AMPH: variants seen among roughly 807,000 people sequenced by gnomAD.
AMPH encodes amphiphysin (Stiff-Mann syndrome with breast cancer 128kD autoantigen).
AMPH carries 49 observed loss-of-function variants against 99.1 expected under a neutral mutation model. The ratio of observed to expected loss-of-function variants is 0.49; its 90% CI spans 0.39 to 0.63. The LOEUF (loss-of-function observed/expected upper bound fraction) is 0.63, where lower values mean the gene tolerates loss of function less well. Ranked by LOEUF, AMPH falls within the 20% of genes least tolerant of loss-of-function variation. The pLI, the probability that AMPH is intolerant of heterozygous loss-of-function variation, is 0.00. For synonymous variants in AMPH, 314 were observed against 317.3 expected (o/e 0.99, Z 0.11); for missense variants, 759 against 863.4 (o/e 0.88, Z 1.52).
chr7:38,406,731 C>CTCTCTCTCTCTCTCTCTCTCTCT lies in AMPH; in HGVS notation c.1398+11093_1398+11094insAGAGAGAGAGAGAGAGAGAGAGA, dbSNP rs1562732477. 1.2e-4 allele frequency among the ~76,000 whole-genome samples: 10 copies of CTCTCTCTCTCTCTCTCTCTCTCT among 80,582 alleles called. 3 individuals carry two copies. The East Asian group carries it at 2.1e-3, about 17-fold the overall frequency. 52.9% of individuals were successfully genotyped at this position (80,582 alleles called of 152,430 possible). On this transcript the variant is annotated intron_variant, in intron 17 of 20. Transcript: ENST00000356264. ...CTCCTCTCCTCTCTCTCTCCCTTTC[C>CTCTCTCTCTCTCTCTCTCTCTCT]CTCTCTCTCTCTCTCTCTCTCTCTC...
chr7:38,430,551 C>G (rs988258254), intron 13 of AMPH, among the ~76,000 whole-genome samples: 5 of 152,196 alleles, frequency 3.3e-5, no homozygotes, highest in African/African-American at 1.2e-4. Context: ...ACGATACCTT[C>G]ACCCTCTCCA....
At chr7:38,519,995 AAAATAAAT>A (rs750219725) in intron 2 of AMPH, among the ~76,000 whole-genome samples, 1 of 152,178 alleles carries the variant, frequency 6.6e-6, no homozygotes, top group Non-Finnish European at 1.5e-5. Context: ...AAGAAGTTGA[AAAATAAAT>A]AAATAAATAA....
chr7:38,384,535 AGAATTGGT>A lies in AMPH; in HGVS notation c.*275_*282del. On this transcript the variant is annotated 3_prime_UTR_variant, in exon 21 of 21. Coordinates refer to ENST00000356264, the MANE Select transcript of AMPH (RefSeq NM_001635.4). ...AGTCTGATCTGGAGAAAGCTACTTT[AGAATTGGT>A]GGGAGGGGATCAAGTACAAGAGTCT... 3.3e-6 allele frequency: 1 copy of A among 302,714 alleles called. No homozygotes were observed. The highest frequency in any genetic ancestry group is 6.4e-6 in the Non-Finnish European group (1 of 156,908). 18.8% of individuals were successfully genotyped at this position (302,714 alleles called of 1,614,324 possible). A position where few individuals can be genotyped will look rare whatever the true frequency, so the allele number is the denominator to read the frequency against.
rs189428314 is a variant in AMPH, at chr7:38,396,697, T to C, written c.1399-2483A>G. On this transcript the variant is annotated intron_variant, in intron 17 of 20. Coordinates refer to ENST00000356264, the MANE Select transcript of AMPH (RefSeq NM_001635.4). ...GTTTATTTTGAAATCGAATAGACTT[T>C]CATCACTGTTTTAAATAAGCACCGA... Among the ~76,000 whole-genome samples the C allele has an allele frequency of 7.2e-3, 1,090 of 152,358 alleles. 6 individuals carry two copies. The highest frequency in any genetic ancestry group is 0.031 in the Middle Eastern group (9 of 294).
intron 11 of AMPH, among the ~76,000 whole-genome samples, chr7:38,441,431 T>G (rs1786500143): frequency 6.6e-6 from 1 of 152,102 alleles, no homozygotes; most frequent in African/African-American, 2.4e-5. Context: ...TATATTCTTT[T>G]CAAGTGCACA....
At chr7:38,516,848 C>T (rs180682939) in intron 2 of AMPH, among the ~76,000 whole-genome samples, 23 of 152,338 alleles carry the variant, frequency 1.5e-4, no homozygotes, top group African/African-American at 5.5e-4. Flanking sequence ...TCAGTGTCGC[C>T]TGAATATGAG....
At chr7:38,402,711 C>G (rs576732102) in intron 17 of AMPH, among the ~76,000 whole-genome samples, 3 of 152,338 alleles carry the variant, frequency 2.0e-5, no homozygotes, top group Admixed American at 2.0e-4. Context: ...CGAGTTGTCT[C>G]TGATCGAGGG....
intron 14 of AMPH, among the ~76,000 whole-genome samples, chr7:38,427,669 A>G (rs1785834731): frequency 9.1e-6 from 1 of 109,956 alleles, no homozygotes; most frequent in African/African-American, 4.1e-5. Flanking sequence ...TTTTTGGTCA[A>G]CCTATTTGTG....
At chr7:38,541,867 T>G (rs10951562) in intron 1 of AMPH, among the ~76,000 whole-genome samples, 15,711 of 152,098 alleles carry the variant, frequency 0.1, 1,082 homozygotes, top group Middle Eastern at 0.2. Context: ...AAAAGAAAAT[T>G]TAGTCCCTAG....
intron 18 of AMPH, among the ~76,000 whole-genome samples, chr7:38,393,435 C>T (rs1291270787): frequency 6.6e-6 from 1 of 152,074 alleles, no homozygotes; most frequent in Non-Finnish European, 1.5e-5. Context: ...GGCTTTGTGG[C>T]CTCTCAATGC....
At chr7:38,539,328 G>A (rs1038885735) in intron 1 of AMPH, among the ~76,000 whole-genome samples, 3 of 152,152 alleles carry the variant, frequency 2.0e-5, no homozygotes, top group African/African-American at 7.2e-5. Context: ...AGGAGGAGAG[G>A]AATCAGAAGA....
At chr7:38,591,943 G>GC (rs1792873114) in intron 1 of AMPH, among the ~76,000 whole-genome samples, 1 of 152,236 alleles carries the variant, frequency 6.6e-6, no homozygotes, top group Admixed American at 6.5e-5. Context: ...CAGAAATATA[G>GC]CATGTGGAAT....
chr7:38,544,469 A>G (rs58935648), intron 1 of AMPH, among the ~76,000 whole-genome samples: 4,885 of 152,278 alleles, frequency 0.032, 208 homozygotes, highest in African/African-American at 0.095. Flanking sequence ...GTCCATGAAC[A>G]GATCCCAAGA....
At chr7:38,507,201 T>G (rs1182023470) in intron 2 of AMPH, among the ~76,000 whole-genome samples, 2 of 150,004 alleles carry the variant, frequency 1.3e-5, no homozygotes, top group Admixed American at 6.7e-5. Flanking sequence ...CACTGCAGAG[T>G]TTTTTTTTAA....
At chr7:38,531,295 C>G (rs1011320660) in intron 2 of AMPH, 1 of 152,254 alleles carries the variant, frequency 6.6e-6, no homozygotes, top group Admixed American at 6.5e-5. Context: ...CCAGCGTCAC[C>G]CTGCTGAGTA....
intron 1 of AMPH, among the ~76,000 whole-genome samples, chr7:38,542,850 C>T (rs756329907): frequency 1.3e-5 from 2 of 152,114 alleles, no homozygotes; most frequent in South Asian, 2.1e-4. Flanking sequence ...AATCCCAGCA[C>T]TTTGGGAGGC....
chr7:38,462,252 G>A (rs1271116511), intron 10 of AMPH, among the ~76,000 whole-genome samples: 1 of 152,200 alleles, frequency 6.6e-6, no homozygotes, highest in Admixed American at 6.5e-5. Flanking sequence ...AAGTCATGAT[G>A]CTCAACAGGT....
chr7:38,491,207 TA>T (rs3837078), intron 4 of AMPH, 62 bp from the exon 5 acceptor site: 1 of 1,066,896 alleles, frequency 9.4e-7, no homozygotes, highest in South Asian at 1.4e-5. Flanking sequence ...ACCAAACTTC[TA>T]AAAAAATCTG....
At chr7:38,547,906 C>G (rs1791045694) in intron 1 of AMPH, among the ~76,000 whole-genome samples, 1 of 152,106 alleles carries the variant, frequency 6.6e-6, no homozygotes, top group Non-Finnish European at 1.5e-5. Context: ...CCTTCACTGG[C>G]TTAGTGAAAC....
Sources: gnomAD v4.1 joint callset for allele counts (sites outside exome capture counted in the v4.1 genomes callset) on GRCh38, gnomAD v4.1.1 for gene constraint, MANE v1.5 for transcripts, NCBI Gene and HGNC (gene_info 2026-07-23, HGNC 2026-07-21) for gene names.